The following SLC12A4 variants were observed in gnomAD, a reference collection of about 807,000 sequenced individuals.
SLC12A4 encodes electroneutral potassium-chloride cotransporter 1.
Under a neutral mutation model 119.2 loss-of-function variants are expected in SLC12A4, and 84 were observed. That is an observed-to-expected ratio of 0.70 (90% confidence interval 0.59 to 0.85). The LOEUF is 0.85. Ranked by LOEUF, SLC12A4 falls within the 40% of genes least tolerant of loss-of-function variation. The probability of loss-of-function intolerance (pLI) is 0.00; values close to 1 mark genes in which losing one functional copy is unlikely to be tolerated. For synonymous variants in SLC12A4, 599 were observed against 604.6 expected (o/e 0.99, Z 0.14); for missense variants, 1,298 against 1,476.3 (o/e 0.88, Z 1.98).
rs775986587 is a variant in SLC12A4 at position 67,945,955 on chromosome 16, T to C, written c.2735A>G (p.Glu912Gly). Reference sequence around the variant, plus strand: ...AGGGCAGGGCAGAGGGCTCACCATCTCCACCACCTCCACCTCGGCCTCAAG... The same window carrying C: ...AGGGCAGGGCAGAGGGCTCACCATCCCCACCACCTCCACCTCGGCCTCAAG... ...LRLEAEVEVVEMHNSDISAYT... is the reference protein window; with the variant it reads ...LRLEAEVEVVGMHNSDISAYT... The change falls in exon 20 of 24, where the codon GAG (glutamate) becomes GGG (glycine). Residue 912 changes from glutamate to glycine, a missense_variant. Transcript: ENST00000316341. The C allele has an allele frequency of 6.2e-7, 1 of 1,613,322 alleles. No homozygotes were observed. Among genetic ancestry groups the C allele is most frequent in the Non-Finnish European group, 8.5e-7 (1 of 1,179,422 alleles).
Position 67,954,687 on chromosome 16 carries a change from ATGT to A in SLC12A4, c.628_630del (p.Thr210del), listed in dbSNP as rs1177801843. 1 of 1,614,046 alleles carries A rather than the reference ATGT, an allele frequency of 6.2e-7. No homozygotes were observed. The highest frequency in any genetic ancestry group is 1.7e-5 in the Admixed American group (1 of 60,006). The stretch of plus-strand genomic sequence containing the variant: ...CCCAGGATGTACATGGCTGCTGCGA[ATGT>A]TGTTCCCAGGTAGAAGCACAGGCCC... On this transcript the variant is annotated inframe_deletion, in exon 6 of 24. Coordinates refer to ENST00000316341, the MANE Select transcript of SLC12A4 (RefSeq NM_005072.5).
intron 22 of SLC12A4, 31 bp downstream of exon 22, chr16:67,945,338 G>C (rs1380360290): frequency 4.4e-6 from 7 of 1,596,022 alleles, no homozygotes; most frequent in Non-Finnish European, 6.0e-6. Flanking sequence ...CTAGATTCCA[G>C]TGCCGCTGGG....
intron 13 of SLC12A4, 65 bp from the exon 14 acceptor site, chr16:67,948,224 T>A (rs1179718871): frequency 2.0e-6 from 3 of 1,513,904 alleles, no homozygotes; most frequent in Non-Finnish European, 1.8e-6. Flanking sequence ...GATGTCAGGC[T>A]GGGCCTGGCC....
In SLC12A4 at chr16:67,948,160, C is replaced by A; in HGVS notation, c.1749-1G>T. 1 of 1,613,172 alleles carries A rather than the reference C, an allele frequency of 6.2e-7. No individual in the cohort carries two copies. Among genetic ancestry groups the A allele is most frequent in the East Asian group, 2.2e-5 (1 of 44,878 alleles). ...GAACAGGTAGCACATCAGAAAGAAC[C>A]TGCGGCACAGAGGGCGGTTGGCGAA... On this transcript the variant is annotated splice_acceptor_variant, in intron 13 of 23. Coordinates refer to ENST00000316341, the MANE Select transcript of SLC12A4 (RefSeq NM_005072.5). LOFTEE classifies it high-confidence loss of function.
At chr16:67,965,578 T>C (rs1186972234) in intron 1 of SLC12A4, among the ~76,000 whole-genome samples, 1 of 152,196 alleles carries the variant, frequency 6.6e-6, no homozygotes, top group East Asian at 1.9e-4. Flanking sequence ...AGGCTGGAAA[T>C]CAATTATAAT....
Position 67,946,195 on chromosome 16 carries a change from C to T in SLC12A4, c.2583G>A (p.Leu861=). 1 of 1,613,934 alleles carries T rather than the reference C, an allele frequency of 6.2e-7. No individual in the cohort carries two copies. Among genetic ancestry groups the T allele is most frequent in the Non-Finnish European group, 8.5e-7 (1 of 1,180,034 alleles). ...IVHDGGMLML[L]PFLLRQHKVW... is the part of the protein sequence containing the mutation. ...CCTTATGCTGGCGCAGCAGGAAGGG[C>T]AGAAGCATGAGCATGCCACCATCGT... The change falls in exon 19 of 24, where the codon CTG becomes CTA. Residue 861 remains leucine (L), a synonymous_variant. Coordinates refer to ENST00000316341, the MANE Select transcript of SLC12A4 (RefSeq NM_005072.5).
intron 5 of SLC12A4, among the ~76,000 whole-genome samples, chr16:67,956,831 C>CAT (rs548475355): frequency 3.7e-5 from 5 of 133,490 alleles, no homozygotes; most frequent in African/African-American, 6.5e-5. Context: ...AACACACACA[C>CAT]ACATATATAT....
Position 67,945,889 on chromosome 16 carries a change from C to A in SLC12A4, c.2740-18G>T. ...CTGTTATGCTGGGGACAGGGTTGGC[C>A]GTGAGGACCCAGCTGCACGGGACAT... On this transcript the variant is annotated intron_variant, in intron 20 of 23. Transcript: ENST00000316341. 6.2e-7 allele frequency: 1 copy of A among 1,613,614 alleles called. No individual in the cohort carries two copies. The highest frequency in any genetic ancestry group is 1.1e-5 in the South Asian group (1 of 91,076).
In SLC12A4 at chr16:67,949,829, G is replaced by C. The variant is rs758137952; in HGVS notation, c.1719C>G (p.Ser573=). ...LIAELGILIA[S]LDMVAPILSM... ...ATAAGATGGGGGCCACCATGTCGAG[G>C]GAGGCGATGAGGATGCCCAGCTCGG... Residue 573 remains serine (S), a synonymous_variant, in exon 13 of 24, where the codon TCC becomes TCG. Coordinates refer to ENST00000316341, the MANE Select transcript of SLC12A4 (RefSeq NM_005072.5). This position sits in a 1 kb window ranked among gnomAD's most constrained non-coding sequence, Gnocchi z 4.6. The C allele has an allele frequency of 3.4e-5, 55 of 1,610,798 alleles. No individual in the cohort carries two copies. Among genetic ancestry groups the C allele is most frequent in the Non-Finnish European group, 4.3e-5 (51 of 1,178,478 alleles).
intron 2 of SLC12A4, 25 bp from the exon 3 acceptor site, chr16:67,961,731 A>G: frequency 6.2e-7 from 1 of 1,613,638 alleles, no homozygotes; most frequent in Non-Finnish European, 8.5e-7. Context: ...ACAGGGCAAG[A>G]TGGCATTGGG....
intron 6 of SLC12A4, among the ~76,000 whole-genome samples, chr16:67,953,372 G>C (rs1221008176): frequency 6.6e-6 from 1 of 152,220 alleles, no homozygotes; most frequent in African/African-American, 2.4e-5. Flanking sequence ...GGGCGACAGA[G>C]TGAGACTGCA....
intron 1 of SLC12A4, chr16:67,966,664 G>T: frequency 6.7e-7 from 1 of 1,500,912 alleles, no homozygotes; most frequent in Non-Finnish European, 9.0e-7. Context: ...GCACTGAACT[G>T]GGGAAGGGGC....
intron 1 of SLC12A4, among the ~76,000 whole-genome samples, chr16:67,964,478 T>C (rs1347843367): frequency 2.7e-5 from 4 of 149,160 alleles, no homozygotes; most frequent in African/African-American, 5.0e-5. Context: ...GTGGGTGCCA[T>C]TCCCAGCTTC....
chr16:67,951,420 AG>A lies in SLC12A4; in HGVS notation c.1133-117del. 1.7e-6 allele frequency: 2 copies of A among 1,195,392 alleles called. No individual in the cohort carries two copies. Among genetic ancestry groups the A allele is most frequent in the Non-Finnish European group, 2.3e-6 (2 of 857,156 alleles). 74.0% of individuals were successfully genotyped at this position (1,195,392 alleles called of 1,614,324 possible). The stretch of plus-strand genomic sequence containing the variant: ...CTTTGGGGACTCAGGGAACAGCTTC[AG>A]CCCAATGACTGCAGCGTCAGCCACA... On this transcript the variant is annotated intron_variant, in intron 8 of 23. Transcript: ENST00000316341. The surrounding 1 kb of genome is among the most constrained non-coding windows in gnomAD (Gnocchi z 5.2).
At chr16:67,956,495 G>A (rs541967645) in intron 5 of SLC12A4, among the ~76,000 whole-genome samples, 11 of 152,056 alleles carry the variant, frequency 7.2e-5, no homozygotes, top group Admixed American at 7.2e-4. Context: ...AAACCATCCT[G>A]GCCAACATAG....
chr16:67,947,737 G>A lies in SLC12A4; in HGVS notation c.1899C>T (p.Ser633=), dbSNP rs1442130348. 1.3e-4 allele frequency: 202 copies of A among 1,600,864 alleles called. No individual in the cohort carries two copies. The highest frequency in any genetic ancestry group is 3.4e-5 in the Admixed American group (2 of 58,006). Residue 633 remains serine (S), a synonymous_variant, in exon 15 of 24, where the codon TCC becomes TCT. Coordinates refer to ENST00000316341, the MANE Select transcript of SLC12A4 (RefSeq NM_005072.5). The part of the protein sequence containing the change: ...MSLCLALMFV[S]SWYYALVAML... ...TGGCCACCAGGGCATAGTACCAGGAGGAGACAAACATAAGGGCCAGGCAGA... is the reference window on the plus strand; with the variant it reads ...TGGCCACCAGGGCATAGTACCAGGAAGAGACAAACATAAGGGCCAGGCAGA...
At chr16:67,965,972 G>A (rs568034981) in intron 1 of SLC12A4, among the ~76,000 whole-genome samples, 2 of 152,296 alleles carry the variant, frequency 1.3e-5, no homozygotes, top group East Asian at 3.9e-4. Flanking sequence ...ACAGACTCCA[G>A]TCCATCTATG....
In SLC12A4 at chr16:67,949,311, C is replaced by T. The variant is rs1407868870; in HGVS notation, c.1748+489G>A. 4.6e-5 allele frequency among the ~76,000 whole-genome samples: 7 copies of T among 152,040 alleles called. No homozygotes were observed. The highest frequency in any genetic ancestry group is 1.5e-4 in the African/African-American group (6 of 41,376). On this transcript the variant is annotated intron_variant, in intron 13 of 23. Transcript: ENST00000316341. The surrounding 1 kb of genome is among the most constrained non-coding windows in gnomAD (Gnocchi z 4.6). Reference sequence around the variant, plus strand: ...CTAAAAATACAAAAAATTAGCTGGGCGTGGTGGTGCATTTCTGTAATCCCA... The same window carrying T: ...CTAAAAATACAAAAAATTAGCTGGGTGTGGTGGTGCATTTCTGTAATCCCA...
chr16:67,966,749 T>G (rs1342336240), intron 1 of SLC12A4: 1 of 1,551,430 alleles, frequency 6.4e-7, no homozygotes, highest in South Asian at 1.2e-5. Context: ...TCAAAATCAC[T>G]CACCGGGGCT....
Sources: allele counts gnomAD v4.1 joint callset (sites outside exome capture counted in the v4.1 genomes callset), GRCh38; gene constraint gnomAD v4.1.1; non-coding constraint Gnocchi (gnomAD v3.1); transcripts MANE v1.5; gene names NCBI Gene and HGNC (gene_info 2026-07-23, HGNC 2026-07-21).